ADGRV1: variants seen among roughly 807,000 people sequenced by gnomAD.
ADGRV1 encodes adhesion G protein-coupled receptor V1.
A neutral mutation model predicts 596.2 loss-of-function variants in ADGRV1; 359 were observed. The ratio of observed to expected loss-of-function variants is 0.60; its 90% CI spans 0.55 to 0.66. ADGRV1 has a LOEUF of 0.66. Ranked by LOEUF, ADGRV1 falls within the 30% of genes least tolerant of loss-of-function variation. The pLI is 0.00. For synonymous variants in ADGRV1, 2,681 were observed against 2,679.2 expected, an observed-to-expected ratio of 1.00 and a Z score of -0.02; for missense variants, 7,274 against 7,575.6, an observed-to-expected ratio of 0.96 and a Z score of 1.48.
At chr5:91,035,868 T>TATATATATATAATATATATA (rs1784861012) in intron 85 of ADGRV1, among the ~76,000 whole-genome samples, 2 of 121,580 alleles carry the variant, frequency 1.6e-5, no homozygotes, top group East Asian at 2.1e-4. Context: ...ATATTATATA[T>TATATATATATAATATATATA]ATATATATAT....
At chr5:90,638,065 T>A in intron 11 of ADGRV1, 117 bp downstream of exon 11, 2 of 713,238 alleles carry the variant, frequency 2.8e-6, no homozygotes, top group Non-Finnish European at 4.5e-6. Flanking sequence ...GTCAAGTAAA[T>A]AGTGTTATAC....
Position 90,681,457 on chromosome 5 carries a change from G to A in ADGRV1, c.5664+3G>A, listed in dbSNP as rs777968268. On this transcript the variant is annotated splice_donor_region_variant and intron_variant, in intron 27 of 89. Coordinates refer to ENST00000405460, the MANE Select transcript of ADGRV1 (RefSeq NM_032119.4). ...GGTATAGCACTGTTACATTAAATGT[G>A]AGTACCTTTTCTTCCTTCATTCCTA... is the stretch of plus-strand genomic sequence containing the variant. 13 of 1,606,774 alleles carry A rather than the reference G, an allele frequency of 8.1e-6. No individual in the cohort carries two copies. The South Asian group carries it at 1.4e-4, about 18-fold the overall frequency.
intron 39 of ADGRV1, among the ~76,000 whole-genome samples, chr5:90,709,676 T>C (rs748855477): frequency 4.6e-4 from 70 of 152,342 alleles, no homozygotes; most frequent in Non-Finnish European, 5.9e-4. Flanking sequence ...TTTGAAAATA[T>C]TGAAAGGAAA....
intron 87 of ADGRV1, among the ~76,000 whole-genome samples, chr5:91,103,468 G>C (rs1414797620): frequency 6.6e-6 from 1 of 151,010 alleles, no homozygotes; most frequent in African/African-American, 2.4e-5. Flanking sequence ...GTAGGGGCCT[G>C]TTGACCATCA....
intron 34 of ADGRV1, among the ~76,000 whole-genome samples, chr5:90,700,722 G>T (rs916650383): frequency 6.6e-6 from 1 of 152,038 alleles, no homozygotes; most frequent in Non-Finnish European, 1.5e-5. Context: ...ATATAGAACC[G>T]CTCTACTGGA....
intron 83 of ADGRV1, among the ~76,000 whole-genome samples, chr5:90,951,108 G>T (rs893019676): frequency 2.1e-4 from 32 of 152,090 alleles, no homozygotes; most frequent in African/African-American, 7.7e-4. Flanking sequence ...GCTCATTTTT[G>T]CATCTAGATG....
chr5:90,775,492 T>C (rs1017653044), intron 60 of ADGRV1, among the ~76,000 whole-genome samples: 7 of 152,180 alleles, frequency 4.6e-5, no homozygotes, highest in Non-Finnish European at 8.8e-5. Context: ...AAAAAATTTT[T>C]TTGAGGCAGG....
chr5:90,849,003 A>G (rs943816787), intron 79 of ADGRV1, among the ~76,000 whole-genome samples, 182 bp downstream of exon 79: 1 of 152,248 alleles, frequency 6.6e-6, no homozygotes, highest in African/African-American at 2.4e-5. Context: ...CATCAAAAAA[A>G]TAAATGTATA....
chr5:91,044,836 T>C (rs1785655214), intron 85 of ADGRV1, among the ~76,000 whole-genome samples: 1 of 152,182 alleles, frequency 6.6e-6, no homozygotes, highest in Non-Finnish European at 1.5e-5. Context: ...ATGCATAAAG[T>C]TCTGTTCTTG....
chr5:91,040,323 A>T (rs1295065438), intron 85 of ADGRV1, among the ~76,000 whole-genome samples: 1 of 152,210 alleles, frequency 6.6e-6, no homozygotes, highest in Non-Finnish European at 1.5e-5. Context: ...ATCTTTTAAA[A>T]TAGAGTTCCT....
Position 90,642,970 on chromosome 5 carries a change from G to A in ADGRV1, c.2482G>A (p.Val828Ile), listed in dbSNP as rs746748365. 4 of 1,613,436 alleles carry A rather than the reference G, an allele frequency of 2.5e-6. No individual in the cohort carries two copies. The South Asian group carries it at 3.3e-5, about 13-fold the overall frequency. The change falls in exon 13 of 90, where the codon GTA becomes ATA. Residue 828 changes from valine (V) to isoleucine (I), a missense_variant. By Grantham distance (29) the Val-to-Ile change is conservative (BLOSUM62 3). Around this residue, in one of 5 missense-constraint regions of ADGRV1, gnomAD observed 1,715 missense variants for 1,708.8 expected, o/e 1.00. Coordinates refer to ENST00000405460, the MANE Select transcript of ADGRV1 (RefSeq NM_032119.4). ...CAATGAATTCTATGGAAACACGGGA[G>A]TACTAGAATTTAAACCTGGAGAAAG... ...DSNEFYGNTG[V>I]LEFKPGEREI...
intron 70 of ADGRV1, chr5:90,792,970 G>C (rs1760246188): frequency 6.6e-6 from 1 of 152,224 alleles, no homozygotes; most frequent in Admixed American, 6.5e-5. Flanking sequence ...GGAACACTTG[G>C]AGAGACCCAT....
At chr5:90,759,732 G>A (rs535570974) in intron 58 of ADGRV1, 144 bp downstream of exon 58, 11 of 689,816 alleles carry the variant, frequency 1.6e-5, no homozygotes, top group Non-Finnish European at 2.3e-5. Context: ...TTGGGAGGCC[G>A]CAGCGGGCAG....
chr5:90,882,997 A>G (rs1769940722), intron 83 of ADGRV1, among the ~76,000 whole-genome samples: 2 of 152,092 alleles, frequency 1.3e-5, no homozygotes, highest in Non-Finnish European at 2.9e-5. Context: ...TTTTTTGGGT[A>G]GTAATATTTT....
intron 86 of ADGRV1, among the ~76,000 whole-genome samples, chr5:91,093,778 T>G (rs1025100777): frequency 6.6e-6 from 1 of 152,122 alleles, no homozygotes; most frequent in African/African-American, 2.4e-5. Flanking sequence ...AATGGCCTGA[T>G]CATATATGAA....
chr5:90,797,499 G>A (rs1259476301), intron 70 of ADGRV1, among the ~76,000 whole-genome samples: 2 of 152,074 alleles, frequency 1.3e-5, no homozygotes, highest in African/African-American at 4.8e-5. Flanking sequence ...GACCTACAAA[G>A]AGACTTAGAC....
chr5:91,157,089 G>A (rs897500707), intron 89 of ADGRV1, among the ~76,000 whole-genome samples: 1 of 152,176 alleles, frequency 6.6e-6, no homozygotes, highest in African/African-American at 2.4e-5. Flanking sequence ...CTAGGCCCAT[G>A]TCACTGGTTT....
intron 87 of ADGRV1, among the ~76,000 whole-genome samples, chr5:91,112,721 C>T (rs1310222772): frequency 6.6e-6 from 1 of 151,788 alleles, no homozygotes; most frequent in African/African-American, 2.4e-5. Context: ...TATTTTACAC[C>T]AACATTTTGT....
At position 90,628,702 on chromosome 5, in the gene ADGRV1, A is replaced by G. The variant is rs1765117248; in HGVS notation, c.1379A>G (p.Gln460Arg). 6.2e-7 allele frequency: 1 copy of G among 1,613,918 alleles called. No individual in the cohort carries two copies. Among genetic ancestry groups the G allele is most frequent in the Non-Finnish European group, 8.5e-7 (1 of 1,179,908 alleles). Residue 460 changes from glutamine to arginine, a missense_variant, in exon 8 of 90, where the codon CAA becomes CGA. Around this residue, in one of 5 missense-constraint regions of ADGRV1, gnomAD observed 1,715 missense variants for 1,708.8 expected, o/e 1.00. Transcript: ENST00000405460. Reference protein sequence around the residue: ...RPSSGVLHFAQGQMLATIPLT... With the variant: ...RPSSGVLHFARGQMLATIPLT... Reference sequence around the variant, plus strand: ...AGCTCTGGAGTTCTCCATTTTGCACAAGGGCAGATGTTGGCAACAATTCCT... The same window carrying G: ...AGCTCTGGAGTTCTCCATTTTGCACGAGGGCAGATGTTGGCAACAATTCCT...
Sources: allele counts gnomAD v4.1 joint callset (sites outside exome capture counted in the v4.1 genomes callset), GRCh38; gene constraint gnomAD v4.1.1; regional missense constraint gnomAD v4.1.1; transcripts MANE v1.5; gene names NCBI Gene and HGNC (gene_info 2026-07-23, HGNC 2026-07-21).